Variants in CIBAR2 observed in about 807,000 individuals in gnomAD.
CIBAR2 encodes CBY1-interacting BAR domain-containing protein 2.
CIBAR2 carries 38 observed loss-of-function variants against 36.2 expected under a neutral mutation model. The ratio of observed to expected loss-of-function variants is 1.05; its 90% CI spans 0.81 to 1.38. The LOEUF is 1.38. Ranked by LOEUF, CIBAR2 falls within the 40% of genes most tolerant of loss-of-function variation. CIBAR2 has a pLI of 0.00. For synonymous variants in CIBAR2, 182 were observed against 149.5 expected, an observed-to-expected ratio of 1.22 and a Z score of -1.58; for missense variants, 481 against 383.4, an observed-to-expected ratio of 1.25 and a Z score of -2.13.
rs2074030148 is a variant in CIBAR2 at position 85,110,271 on chromosome 16, G to T, written c.210C>A (p.Gly70=). ...GCACTTTGGCCAGGTCCTCAGCGAAGCCCCTCATGGTGGCCCGCAGCTCGG... is the reference window on the plus strand; with the variant it reads ...GCACTTTGGCCAGGTCCTCAGCGAATCCCCTCATGGTGGCCCGCAGCTCGG... ...ENPELRATMR[G]FAEDLAKVQD... The change falls in exon 2 of 9, where the codon GGC becomes GGA. Residue 70 remains glycine, a synonymous_variant. Coordinates refer to ENST00000539556, the MANE Select transcript of CIBAR2 (RefSeq NM_198491.3). 1 of 1,602,442 alleles carries T rather than the reference G, an allele frequency of 6.2e-7. No individual in the cohort carries two copies. Among genetic ancestry groups the T allele is most frequent in the African/African-American group, 1.3e-5 (1 of 74,568 alleles).
intron 6 of CIBAR2, among the ~76,000 whole-genome samples, chr16:85,104,449 T>C (rs1248325893): frequency 1.3e-5 from 2 of 152,092 alleles, no homozygotes; most frequent in Admixed American, 6.5e-5. Context: ...GGGTCACACC[T>C]ATAATCCCAG....
At chr16:85,103,424 T>G (rs764863310) in intron 6 of CIBAR2, among the ~76,000 whole-genome samples, 7 of 152,150 alleles carry the variant, frequency 4.6e-5, no homozygotes. Flanking sequence ...TTAGCTCAAG[T>G]TCTTGCTTTT....
At chr16:85,100,910 G>A (rs1173436099) in intron 7 of CIBAR2, among the ~76,000 whole-genome samples, 1 of 152,218 alleles carries the variant, frequency 6.6e-6, no homozygotes, top group East Asian at 1.9e-4. Flanking sequence ...AGCTGGGCGT[G>A]ATGGAGGGCG....
chr16:85,098,862 C>G lies in CIBAR2; in HGVS notation c.*323G>C. 4.2e-6 allele frequency: 1 copy of G among 236,438 alleles called. No homozygotes were observed. Among genetic ancestry groups the G allele is most frequent in the East Asian group, 1.4e-4 (1 of 7,072 alleles). The allele number at this position is 236,438 out of a possible 1,614,324, so 14.6% of individuals were successfully genotyped here. On this transcript the variant is annotated 3_prime_UTR_variant, in exon 9 of 9. Coordinates refer to ENST00000539556, the MANE Select transcript of CIBAR2 (RefSeq NM_198491.3). ...CTAAGCCACTCTGCAGGCGAGGACT[C>G]TAAGGCACAGAGAGGCTAGGAGACT...
chr16:85,100,977 G>A (rs1597664431), intron 7 of CIBAR2, among the ~76,000 whole-genome samples: 1 of 152,164 alleles, frequency 6.6e-6, no homozygotes, highest in East Asian at 1.9e-4. Flanking sequence ...AACCTGGGAG[G>A]CGGAGTTGCA....
chr16:85,101,471 C>T (rs938022498), intron 7 of CIBAR2, among the ~76,000 whole-genome samples: 1 of 152,038 alleles, frequency 6.6e-6, no homozygotes, highest in Non-Finnish European at 1.5e-5. Context: ...AACCCCAGAC[C>T]CACAGAAAAG....
chr16:85,109,321 T>G (rs527284979), intron 2 of CIBAR2, among the ~76,000 whole-genome samples: 1 of 151,826 alleles, frequency 6.6e-6, no homozygotes, highest in Non-Finnish European at 1.5e-5. Flanking sequence ...GAAAGTAGGA[T>G]GTACTGGTGA....
chr16:85,099,797 CTTTTTTTTTTTTTTT>C (rs71386075), intron 8 of CIBAR2, among the ~76,000 whole-genome samples: 2 of 77,532 alleles, frequency 2.6e-5, no homozygotes, highest in African/African-American at 1.0e-4. Context: ...CTAATTTTTG[CTTTTTTTTTTTTTTT>C]TTTTTTTTTA....
Position 85,107,845 on chromosome 16 carries a change from C to T in CIBAR2, c.426+1G>A, listed in dbSNP as rs779302917. ...CAGGCCCCACTTCCAGGGAAGGATA[C>T]GATCATTTGCTGATCCGAGGGTGAC... On this transcript the variant is annotated splice_donor_variant, in intron 4 of 8. Coordinates refer to ENST00000539556, the MANE Select transcript of CIBAR2 (RefSeq NM_198491.3). LOFTEE classifies it high-confidence loss of function. 5.5e-5 allele frequency: 89 copies of T among 1,610,638 alleles called. No individual in the cohort carries two copies. The highest frequency in any genetic ancestry group is 1.5e-4 in the Admixed American group (9 of 60,010).
chr16:85,105,461 T>C, intron 5 of CIBAR2, 30 bp from the exon 6 acceptor site: 1 of 1,543,796 alleles, frequency 6.5e-7, no homozygotes, highest in Non-Finnish European at 9.0e-7. Flanking sequence ...ACGTAGAAAG[T>C]GTCATGGGGG....
In CIBAR2 at chr16:85,112,426, G is replaced by T; in HGVS notation, c.-74C>A. On this transcript the variant is annotated 5_prime_UTR_variant, in exon 1 of 9. Coordinates refer to ENST00000539556, the MANE Select transcript of CIBAR2 (RefSeq NM_198491.3). ...CCCAGGGGTCCTGCAGGCCTGGGAG[G>T]AGCCGGGCAGGGCTGGGTGCAGCTG... is the stretch of plus-strand genomic sequence containing the variant. 6.8e-7 allele frequency: 1 copy of T among 1,470,960 alleles called. No individual in the cohort carries two copies. Among genetic ancestry groups the T allele is most frequent in the Non-Finnish European group, 9.5e-7 (1 of 1,050,630 alleles). The allele number at this position is 1,470,960 out of a possible 1,614,324, so 91.1% of individuals were successfully genotyped here.
chr16:85,105,002 C>T (rs2073984358), intron 6 of CIBAR2, among the ~76,000 whole-genome samples: 1 of 152,194 alleles, frequency 6.6e-6, no homozygotes, highest in African/African-American at 2.4e-5. Flanking sequence ...AGGTTAGAGC[C>T]ATCCTGTGTG....
At chr16:85,102,449 T>C in intron 6 of CIBAR2, 122 bp from the exon 7 acceptor site, 1 of 664,450 alleles carries the variant, frequency 1.5e-6, no homozygotes. Context: ...AGGCCCCAGG[T>C]GGGGAGTTTC....
chr16:85,109,445 G>C (rs1302273131), intron 2 of CIBAR2, among the ~76,000 whole-genome samples: 1 of 152,126 alleles, frequency 6.6e-6, no homozygotes, highest in African/African-American at 2.4e-5. Flanking sequence ...TTCTGTCTGT[G>C]CGATCTTTCT....
At chr16:85,103,310 C>G (rs2073970090) in intron 6 of CIBAR2, among the ~76,000 whole-genome samples, 1 of 152,138 alleles carries the variant, frequency 6.6e-6, no homozygotes, top group Non-Finnish European at 1.5e-5. Context: ...CTTGGACTCC[C>G]CAGCCTCCAA....
chr16:85,111,624 T>C (rs1423920988), intron 1 of CIBAR2, among the ~76,000 whole-genome samples: 1 of 152,194 alleles, frequency 6.6e-6, no homozygotes, highest in Non-Finnish European at 1.5e-5. Context: ...GGTGTGCAGA[T>C]TGCCTGAGCT....
rs933302574 is a variant in CIBAR2 at position 85,107,156 on chromosome 16, A to G, written c.432+511T>C. On this transcript the variant is annotated intron_variant, in intron 5 of 8. Transcript: ENST00000539556. ...AGCGAGACTTTGTCTCTCAAAAAAAAGGGGGGGGGCACTCTTTGGATGAGG... is the reference window on the plus strand; with the variant it reads ...AGCGAGACTTTGTCTCTCAAAAAAAGGGGGGGGGGCACTCTTTGGATGAGG... 8.0e-5 allele frequency among the ~76,000 whole-genome samples: 12 copies of G among 149,558 alleles called. No homozygotes were observed. In the East Asian group the frequency reaches 1.2e-3, roughly 15 times the overall value.
chr16:85,109,237 C>T (rs952498862), intron 2 of CIBAR2, among the ~76,000 whole-genome samples: 3 of 152,060 alleles, frequency 2.0e-5, no homozygotes, highest in Non-Finnish European at 2.9e-5. Flanking sequence ...ATGGCGAAAC[C>T]CCATCTCTTA....
At chr16:85,112,303 T>G in intron 1 of CIBAR2, 30 bp downstream of exon 1, 4 of 1,569,014 alleles carry the variant, frequency 2.5e-6, no homozygotes, top group Non-Finnish European at 3.5e-6. Context: ...TCCACCTCCC[T>G]CACAGCCAGG....
Sources: allele counts gnomAD v4.1 joint callset (sites outside exome capture counted in the v4.1 genomes callset), GRCh38; gene constraint gnomAD v4.1.1; transcripts MANE v1.5; gene names NCBI Gene and HGNC (gene_info 2026-07-23, HGNC 2026-07-21).